Variants in ASB2 observed in about 807,000 individuals in gnomAD.
The protein encoded by ASB2 is ankyrin repeat and SOCS box protein 2.
ASB2 carries 58 observed loss-of-function variants against 62.4 expected under a neutral mutation model. The observed-to-expected ratio is 0.93, with a 90% CI of 0.75 to 1.16. ASB2 has a LOEUF of 1.16. ASB2 is among the 50% of genes most tolerant of loss of function. The probability of loss-of-function intolerance (pLI) is 0.00; values close to 1 mark genes in which losing one functional copy is unlikely to be tolerated. For synonymous variants in ASB2, 386 were observed against 385.3 expected (o/e 1.00, Z -0.02); for missense variants, 928 against 887.9 (o/e 1.05, Z -0.57).
intron 7 of ASB2, chr14:93,940,482 AG>A (rs1888475298): frequency 6.6e-6 from 1 of 152,184 alleles, no homozygotes; most frequent in Non-Finnish European, 1.5e-5. Flanking sequence ...CGAGATCCTG[AG>A]GACAAAAGGG....
chr14:93,953,810 C>T (rs1451419359), intron 4 of ASB2, among the ~76,000 whole-genome samples: 1 of 152,186 alleles, frequency 6.6e-6, no homozygotes, highest in Non-Finnish European at 1.5e-5. Context: ...TGTTACATGC[C>T]ATGGTTTCTT....
chr14:93,960,984 T>TAAACAAAC (rs1265837333), intron 2 of ASB2, among the ~76,000 whole-genome samples: 2,248 of 150,800 alleles, frequency 0.015, 26 homozygotes, highest in African/African-American at 0.03. Context: ...AATAAATAAA[T>TAAACAAAC]AAACAGTATC....
At chr14:93,956,444 T>C (rs1313699907) in intron 3 of ASB2, among the ~76,000 whole-genome samples, 1 of 152,142 alleles carries the variant, frequency 6.6e-6, no homozygotes, top group African/African-American at 2.4e-5. Flanking sequence ...ATCTCCCCAA[T>C]TTCCCTCGTG....
In ASB2 at chr14:93,937,735, G is replaced by A; in HGVS notation, c.1734C>T (p.Asp578=). The A allele has an allele frequency of 6.2e-7, 1 of 1,612,816 alleles. No individual in the cohort carries two copies. The highest frequency in any genetic ancestry group is 8.5e-7 in the Non-Finnish European group (1 of 1,178,860). Reference sequence around the variant, plus strand: ...TGATGACGGCCCAGTCCTCAAAGCTGTCGATGTGTTCCTTCAGCCGCGAGC... The same window carrying A: ...TGATGACGGCCCAGTCCTCAAAGCTATCGATGTGTTCCTTCAGCCGCGAGC... ...QLCSRLKEHI[D]SFEDWAVIKE... is the part of the protein sequence containing the mutation. The change falls in exon 9 of 10, where the codon GAC becomes GAT. Residue 578 remains aspartate (D), a synonymous_variant. Coordinates refer to ENST00000555019, the MANE Select transcript of ASB2 (RefSeq NM_001202429.2).
intron 3 of ASB2, among the ~76,000 whole-genome samples, chr14:93,956,185 G>C (rs1048941118): frequency 6.6e-6 from 1 of 152,186 alleles, no homozygotes; most frequent in African/African-American, 2.4e-5. Context: ...TATTTTCTAA[G>C]GAGCGCATTA....
intron 2 of ASB2, among the ~76,000 whole-genome samples, chr14:93,962,264 G>A (rs1174659937): frequency 1.3e-5 from 2 of 151,714 alleles, no homozygotes; most frequent in South Asian, 2.1e-4. Flanking sequence ...ACAGGCGCCC[G>A]CCACTACGCC....
chr14:93,957,211 T>C (rs1008850382), intron 2 of ASB2: 19 of 1,275,118 alleles, frequency 1.5e-5, no homozygotes, highest in Non-Finnish European at 1.9e-5. Context: ...CAGGAGGATG[T>C]GAGCCGTGGT....
intron 1 of ASB2, among the ~76,000 whole-genome samples, chr14:93,976,109 C>A: frequency 6.6e-6 from 1 of 152,264 alleles, no homozygotes; most frequent in South Asian, 2.1e-4. Context: ...ACACAGATAC[C>A]GCCCAAGACC....
rs1314557540 is a variant in ASB2 at position 93,934,263 on chromosome 14, T to C, written c.*393A>G. 1 of 458,082 alleles carries C rather than the reference T, an allele frequency of 2.2e-6. No individual in the cohort carries two copies. Among genetic ancestry groups the C allele is most frequent in the Non-Finnish European group, 4.4e-6 (1 of 229,716 alleles). The allele number at this position is 458,082 out of a possible 1,614,324, so 28.4% of individuals were successfully genotyped here. ...CTTGGGCCACGTCTTCATCTTAGTC[T>C]TTGGAGAGAAAGCTCTGAAGTCAAG... On this transcript the variant is annotated 3_prime_UTR_variant, in exon 10 of 10. Transcript: ENST00000555019.
chr14:93,953,534 T>G (rs758490795), intron 4 of ASB2, 27 bp from the exon 5 acceptor site: 2 of 1,554,064 alleles, frequency 1.3e-6, no homozygotes, highest in Non-Finnish European at 1.8e-6. Context: ...GGGAAATTCA[T>G]GTAGGAGAAA....
At chr14:93,950,505 C>T (rs1037467490) in intron 6 of ASB2, among the ~76,000 whole-genome samples, 13 of 152,236 alleles carry the variant, frequency 8.5e-5, no homozygotes, top group African/African-American at 2.2e-4. Flanking sequence ...CTTTCCCATC[C>T]TGGTCCTTGA....
chr14:93,969,478 C>T (rs1343983965), intron 1 of ASB2, among the ~76,000 whole-genome samples: 1 of 152,194 alleles, frequency 6.6e-6, no homozygotes, highest in Non-Finnish European at 1.5e-5. Context: ...TCGGGTGATG[C>T]CTTGCCCCTC....
intron 2 of ASB2, among the ~76,000 whole-genome samples, 182 bp downstream of exon 2, chr14:93,964,152 C>T (rs1889500603): frequency 6.6e-6 from 1 of 152,048 alleles, no homozygotes; most frequent in Non-Finnish European, 1.5e-5. Flanking sequence ...GTGTATAGCA[C>T]CCACTTCAGT....
intron 1 of ASB2, among the ~76,000 whole-genome samples, chr14:93,975,619 T>C (rs1889890119): frequency 6.6e-6 from 1 of 152,220 alleles, no homozygotes; most frequent in Non-Finnish European, 1.5e-5. Context: ...TGGAAGGATG[T>C]GCCTCTCCCT....
At chr14:93,969,258 G>A (rs1889685655) in intron 1 of ASB2, among the ~76,000 whole-genome samples, 1 of 152,180 alleles carries the variant, frequency 6.6e-6, no homozygotes, top group Non-Finnish European at 1.5e-5. Flanking sequence ...CAGCTGTCAG[G>A]GATGCTATGG....
chr14:93,952,759 G>T (rs1288358481), intron 5 of ASB2, among the ~76,000 whole-genome samples: 1 of 152,218 alleles, frequency 6.6e-6, no homozygotes, highest in African/African-American at 2.4e-5. Flanking sequence ...GGGTCCATAA[G>T]AGAACGGTGC....
chr14:93,964,891 C>T (rs1270760603), intron 1 of ASB2, among the ~76,000 whole-genome samples: 2 of 152,062 alleles, frequency 1.3e-5, no homozygotes. Flanking sequence ...CCTTCCCATC[C>T]ATCCACCCCT....
At position 93,956,798 on chromosome 14, in the gene ASB2, G is replaced by A. The variant is rs1383807470; in HGVS notation, c.279C>T (p.Tyr93=). 4 of 1,614,126 alleles carry A rather than the reference G, an allele frequency of 2.5e-6. No homozygotes were observed. The highest frequency in any genetic ancestry group is 2.7e-5 in the African/African-American group (2 of 74,944). ...GGGAGGTCTTGAACAAGCTGCTGCT[G>A]TATTTCTGCATGACCCCTTGGAACA... ...MGLFQGVMQK[Y]SSSLFKTSQL... The change falls in exon 3 of 10, where the codon TAC becomes TAT. Residue 93 remains tyrosine, a synonymous_variant. Transcript: ENST00000555019.
At chr14:93,942,176 T>C (rs1248318850) in intron 7 of ASB2, 1 of 455,940 alleles carries the variant, frequency 2.2e-6, no homozygotes, top group South Asian at 1.5e-5. Flanking sequence ...CCAAACAGTC[T>C]GACTCTTCCC....
Sources: allele counts gnomAD v4.1 joint callset (sites outside exome capture counted in the v4.1 genomes callset), GRCh38; gene constraint gnomAD v4.1.1; transcripts MANE v1.5; gene names NCBI Gene and HGNC (gene_info 2026-07-23, HGNC 2026-07-21).